The following LIPI variants were observed in gnomAD, a reference collection of about 807,000 sequenced individuals.
LIPI encodes lipase member I.
In LIPI, 59 loss-of-function variants were observed where a neutral mutation model predicts 50.6. The ratio of observed to expected loss-of-function variants is 1.16; its 90% CI spans 0.94 to 1.45. The LOEUF is 1.45. Ranked by LOEUF, LIPI falls within the 40% of genes most tolerant of loss-of-function variation. LIPI has a pLI of 0.00. For missense variants in LIPI, 586 were observed against 536.3 expected, an observed-to-expected ratio of 1.09 and a Z score of -0.92; for synonymous variants, 203 against 178.2, an observed-to-expected ratio of 1.14 and a Z score of -1.11.
intron 9 of LIPI, among the ~76,000 whole-genome samples, chr21:14,122,947 A>C (rs1175175497): frequency 6.6e-6 from 1 of 152,236 alleles, no homozygotes; most frequent in Admixed American, 6.5e-5. Flanking sequence ...CCAAAAGTTC[A>C]GATTCCACCA....
At chr21:14,142,956 C>T (rs928092008) in intron 9 of LIPI, among the ~76,000 whole-genome samples, 1 of 152,082 alleles carries the variant, frequency 6.6e-6, no homozygotes, top group East Asian at 1.9e-4. Flanking sequence ...AATCAGCATG[C>T]TACTTGAATT....
At chr21:14,134,029 C>T (rs764213541) in intron 9 of LIPI, among the ~76,000 whole-genome samples, 14 of 152,144 alleles carry the variant, frequency 9.2e-5, no homozygotes, top group Middle Eastern at 3.4e-3. Context: ...AGTTCAAGAT[C>T]AGCCTGGGCA....
At chr21:14,176,145 T>TC (rs1425742932) in intron 4 of LIPI, among the ~76,000 whole-genome samples, 1 of 143,070 alleles carries the variant, frequency 7.0e-6, no homozygotes, top group African/African-American at 2.6e-5. Context: ...GCCACTGCAC[T>TC]CCAGCCTGGG....
intron 9 of LIPI, among the ~76,000 whole-genome samples, chr21:14,125,812 C>T (rs1014915880): frequency 1.3e-5 from 2 of 152,156 alleles, no homozygotes; most frequent in Non-Finnish European, 2.9e-5. Context: ...GCCTCCGCCT[C>T]CCAAAGTGCT....
At chr21:14,120,818 G>A (rs1485093132) in intron 9 of LIPI, among the ~76,000 whole-genome samples, 1 of 148,108 alleles carries the variant, frequency 6.8e-6, no homozygotes, top group Non-Finnish European at 1.5e-5. Context: ...TTTCACCAAG[G>A]AACACACATG....
At chr21:14,142,484 TA>T (rs147611263) in intron 9 of LIPI, among the ~76,000 whole-genome samples, 1,712 of 149,206 alleles carry the variant, frequency 0.011, 25 homozygotes, top group African/African-American at 0.037. Flanking sequence ...ATTATATATA[TA>T]TTTTGTTGTT....
At chr21:14,161,385 T>C (rs2018456217) in intron 7 of LIPI, among the ~76,000 whole-genome samples, 1 of 142,916 alleles carries the variant, frequency 7.0e-6, no homozygotes, top group Admixed American at 7.3e-5. Context: ...ATATATGACA[T>C]ATAATATCTA....
chr21:14,168,517 C>A (rs960633851), intron 4 of LIPI, among the ~76,000 whole-genome samples: 1 of 152,142 alleles, frequency 6.6e-6, no homozygotes, highest in African/African-American at 2.4e-5. Context: ...GCGGATCTCT[C>A]GGCAGAAACT....
chr21:14,157,529 A>G (rs2018314928), intron 7 of LIPI, among the ~76,000 whole-genome samples: 1 of 151,844 alleles, frequency 6.6e-6, no homozygotes, highest in Admixed American at 6.6e-5. Context: ...AGAACGTTAT[A>G]GTGGTATAAA....
intron 3 of LIPI, among the ~76,000 whole-genome samples, chr21:14,182,907 A>T (rs564511054): frequency 1.3e-5 from 2 of 152,272 alleles, no homozygotes; most frequent in South Asian, 4.1e-4. Flanking sequence ...TGAAAAGGTA[A>T]TTTATAGATT....
chr21:14,129,183 T>C lies in LIPI; in HGVS notation c.1295+15440A>G, dbSNP rs144273421. 2.8e-3 allele frequency among the ~76,000 whole-genome samples: 430 copies of C among 152,138 alleles called. 5 individuals carry two copies. The highest frequency in any genetic ancestry group is 9.9e-3 in the African/African-American group (412 of 41,550). On this transcript the variant is annotated intron_variant, in intron 9 of 9. Coordinates refer to ENST00000681601, the MANE Select transcript of LIPI (RefSeq NM_001302998.2). ...AAGAGAAGGCATAATGAAAGTCAAA[T>C]TGGGGACCAATCAGGGAAGGGAAGA...
chr21:14,185,869 C>G, intron 3 of LIPI, 92 bp downstream of exon 3: 1 of 721,272 alleles, frequency 1.4e-6, no homozygotes, highest in South Asian at 1.6e-5. Flanking sequence ...GGCAACAGAG[C>G]GAGACTCTGT....
chr21:14,185,394 T>A (rs1331615343), intron 3 of LIPI, among the ~76,000 whole-genome samples: 1 of 152,234 alleles, frequency 6.6e-6, no homozygotes, highest in African/African-American at 2.4e-5. Context: ...CGATAGTATG[T>A]CCTTAAAATT....
chr21:14,171,868 G>T (rs1456687587), intron 4 of LIPI, among the ~76,000 whole-genome samples: 5 of 149,396 alleles, frequency 3.3e-5, no homozygotes, highest in African/African-American at 7.4e-5. Context: ...TGAGAAATGG[G>T]ATCTAATTAA....
chr21:14,132,861 T>C (rs1302560164), intron 9 of LIPI, among the ~76,000 whole-genome samples: 1 of 152,150 alleles, frequency 6.6e-6, no homozygotes, highest in African/African-American at 2.4e-5. Context: ...TGAGAGACTA[T>C]TATTAACAAC....
chr21:14,145,847 A>T (rs1324515656), intron 8 of LIPI, among the ~76,000 whole-genome samples: 6 of 152,176 alleles, frequency 3.9e-5, no homozygotes, highest in African/African-American at 4.8e-5. Context: ...CTGCCATCTC[A>T]TATTTTTTCC....
chr21:14,120,886 G>T (rs2016836729), intron 9 of LIPI, among the ~76,000 whole-genome samples: 2 of 152,164 alleles, frequency 1.3e-5, no homozygotes, highest in Non-Finnish European at 2.9e-5. Flanking sequence ...ATGCCTAACT[G>T]CCATCACTCG....
At chr21:14,161,539 T>C (rs1452827422) in intron 7 of LIPI, among the ~76,000 whole-genome samples, 15 of 123,392 alleles carry the variant, frequency 1.2e-4, no homozygotes, top group Non-Finnish European at 2.2e-4. Flanking sequence ...ATAATATCCA[T>C]ATCTATTATA....
intron 1 of LIPI, among the ~76,000 whole-genome samples, chr21:14,190,344 G>GTT (rs200411488): frequency 2.0e-5 from 3 of 151,722 alleles, no homozygotes; most frequent in East Asian, 3.9e-4. Context: ...CCCCATAGTG[G>GTT]TTTTTTTTCC....
Sources: allele counts gnomAD v4.1 joint callset (sites outside exome capture counted in the v4.1 genomes callset), GRCh38; gene constraint gnomAD v4.1.1; transcripts MANE v1.5; gene names NCBI Gene and HGNC (gene_info 2026-07-23, HGNC 2026-07-21).